Variants in HERC3 observed in about 807,000 individuals in gnomAD.
HERC3 encodes the protein HECT and RLD domain containing E3 ubiquitin protein ligase 3, also known as probable E3 ubiquitin-protein ligase HERC3.
A neutral mutation model predicts 129.9 loss-of-function variants in HERC3; 58 were observed. The ratio of observed to expected loss-of-function variants is 0.45; its 90% CI spans 0.36 to 0.56. HERC3 has a LOEUF of 0.56. Ranked by LOEUF, HERC3 falls within the 20% of genes least tolerant of loss-of-function variation. The pLI, the probability that HERC3 is intolerant of heterozygous loss-of-function variation, is 0.00. For missense variants in HERC3, 835 were observed against 1,244.2 expected (o/e 0.67, Z 4.95); for synonymous variants, 430 against 451.0 (o/e 0.95, Z 0.59).
At chr4:88,531,202 T>A in the HERC3 span, among the ~76,000 whole-genome samples, 26 of 148,846 alleles carry the variant, frequency 1.7e-4, no homozygotes, top group East Asian at 1.9e-3. Flanking sequence ...AAATTTAAAA[T>A]TTTTTTAAAA....
chr4:88,535,640 GGCATCCCAAGGCA>G, the HERC3 span, among the ~76,000 whole-genome samples: 2 of 152,068 alleles, frequency 1.3e-5, no homozygotes, highest in African/African-American at 4.8e-5. Flanking sequence ...CATGATGAAG[GGCATCCCAAGGCA>G]GGAGGACAGG....
At chr4:88,649,702 T>A in intron 3 of HERC3, 138 bp from the exon 4 acceptor site, 1 of 699,206 alleles carries the variant, frequency 1.4e-6, no homozygotes. Context: ...ATATGTGAAA[T>A]TTATAATCTC....
intron 2 of HERC3, among the ~76,000 whole-genome samples, chr4:88,598,390 A>T (rs1722626657): frequency 6.6e-6 from 1 of 152,164 alleles, no homozygotes; most frequent in Non-Finnish European, 1.5e-5. Context: ...CCTCCTATCA[A>T]CCTCAAATCC....
the HERC3 span, among the ~76,000 whole-genome samples, chr4:88,539,583 G>A: frequency 6.6e-6 from 1 of 152,328 alleles, no homozygotes; most frequent in East Asian, 1.9e-4. Flanking sequence ...CGGCGTTTGA[G>A]CTCTGAGAAT....
chr4:88,579,339 G>A, the HERC3 span, among the ~76,000 whole-genome samples: 2 of 151,890 alleles, frequency 1.3e-5, no homozygotes, highest in Admixed American at 6.6e-5. Context: ...CCTGGGAGGC[G>A]GAAGTTGCAG....
In HERC3 at chr4:88,654,041, G is replaced by T. The variant is rs1729576335; in HGVS notation, c.686-1G>T. 1 of 1,602,636 alleles carries T rather than the reference G, an allele frequency of 6.2e-7. No individual in the cohort carries two copies. Among genetic ancestry groups the T allele is most frequent in the South Asian group, 1.1e-5 (1 of 90,774 alleles). On this transcript the variant is annotated splice_acceptor_variant, in intron 6 of 25. Transcript: ENST00000402738. LOFTEE classifies it high-confidence loss of function. ...ATATTCTGATATTTAATTTATTCTA[G>T]ATCGAGAATCTCCATGCCATGTAAA...
chr4:88,529,876 T>C, the HERC3 span, among the ~76,000 whole-genome samples: 2 of 152,256 alleles, frequency 1.3e-5, no homozygotes, highest in African/African-American at 4.8e-5. Flanking sequence ...ACATTACCAG[T>C]TCATAATTGA....
At chr4:88,614,355 T>G (rs1724675418) in intron 3 of HERC3, among the ~76,000 whole-genome samples, 1 of 152,172 alleles carries the variant, frequency 6.6e-6, no homozygotes, top group African/African-American at 2.4e-5. Context: ...AGAATTTTGT[T>G]CACAGACATT....
At chr4:88,542,373 C>T in the HERC3 span, among the ~76,000 whole-genome samples, 2 of 152,036 alleles carry the variant, frequency 1.3e-5, no homozygotes, top group East Asian at 1.9e-4. Flanking sequence ...ACACATACAC[C>T]CTCCCAAGAC....
the HERC3 span, among the ~76,000 whole-genome samples, chr4:88,537,898 G>A: frequency 2.0e-5 from 3 of 152,228 alleles, no homozygotes; most frequent in Non-Finnish European, 4.4e-5. Context: ...AATAGCAGCA[G>A]AACTGTTGTT....
At chr4:88,666,920 T>C (rs371998613) in intron 12 of HERC3, among the ~76,000 whole-genome samples, 6 of 152,200 alleles carry the variant, frequency 3.9e-5, no homozygotes, top group African/African-American at 1.2e-4. Flanking sequence ...AAGGAAGTTC[T>C]ACTGTCATTT....
chr4:88,651,868 G>A (rs1474920767), intron 4 of HERC3, 144 bp from the exon 5 acceptor site: 14 of 653,894 alleles, frequency 2.1e-5, no homozygotes, highest in Non-Finnish European at 3.0e-5. Flanking sequence ...GATTACAGGC[G>A]TGAACCACTG....
chr4:88,612,775 A>C (rs1724489800), intron 3 of HERC3, among the ~76,000 whole-genome samples: 1 of 152,174 alleles, frequency 6.6e-6, no homozygotes, highest in Non-Finnish European at 1.5e-5. Flanking sequence ...CTGGCATTTT[A>C]GGAAGTCTTG....
At position 88,686,817 on chromosome 4, in the gene HERC3, A is replaced by G; in HGVS notation, c.2574+15A>G. 6.3e-7 allele frequency: 1 copy of G among 1,576,460 alleles called. No homozygotes were observed. The highest frequency in any genetic ancestry group is 8.7e-7 in the Non-Finnish European group (1 of 1,146,426). On this transcript the variant is annotated intron_variant, in intron 22 of 25. Coordinates refer to ENST00000402738, the MANE Select transcript of HERC3 (RefSeq NM_014606.3). ...TCAACTTCACGGTAAGAATTTCCAC[A>G]GTTTACTTAGGATTGTGGCTGTCTC... is the stretch of plus-strand genomic sequence containing the variant.
Position 88,656,003 on chromosome 4 carries a change from C to T in HERC3, c.1037C>T (p.Ala346Val). ...CCATCTCCTGTCAAGGGTTACTGGG[C>T]TGCCCACAGTGGCCAGCTTTCAGCC... Reference protein sequence around the residue: ...KCPSPVKGYWAAHSGQLSARA... With the variant: ...KCPSPVKGYWVAHSGQLSARA... The change falls in exon 9 of 26, where the codon GCT (alanine) becomes GTT (valine). Residue 346 changes from alanine to valine, a missense_variant. Transcript: ENST00000402738. 2 of 1,614,136 alleles carry T rather than the reference C, an allele frequency of 1.2e-6. No individual in the cohort carries two copies. The highest frequency in any genetic ancestry group is 1.7e-6 in the Non-Finnish European group (2 of 1,179,988).
intron 2 of HERC3, among the ~76,000 whole-genome samples, chr4:88,599,730 A>G (rs1239819372): frequency 6.6e-6 from 1 of 152,232 alleles, no homozygotes; most frequent in African/African-American, 2.4e-5. Flanking sequence ...AATCTGCCCT[A>G]GAAACCAAGT....
At chr4:88,684,141 T>TA (rs1221404379) in intron 21 of HERC3, among the ~76,000 whole-genome samples, 3 of 152,042 alleles carry the variant, frequency 2.0e-5, no homozygotes, top group Non-Finnish European at 4.4e-5. Flanking sequence ...TATGGAACCA[T>TA]AAAAGAGCCC....
chr4:88,634,779 A>G (rs1343562117), intron 3 of HERC3, among the ~76,000 whole-genome samples: 1 of 150,454 alleles, frequency 6.6e-6, no homozygotes, highest in East Asian at 2.0e-4. Context: ...CCTCGAGGTC[A>G]GAGGTCCCAG....
At chr4:88,603,796 AC>A (rs1416529535) in intron 2 of HERC3, among the ~76,000 whole-genome samples, 1 of 152,204 alleles carries the variant, frequency 6.6e-6, no homozygotes, top group Non-Finnish European at 1.5e-5. Context: ...AATAATTGAT[AC>A]CTTTCCCATA....
Sources: allele counts gnomAD v4.1 joint callset (sites outside exome capture counted in the v4.1 genomes callset), GRCh38; gene constraint gnomAD v4.1.1; transcripts MANE v1.5; gene names NCBI Gene and HGNC (gene_info 2026-07-23, HGNC 2026-07-21).